The following RIGI variants were observed in gnomAD, a reference collection of about 807,000 sequenced individuals.
The protein encoded by RIGI is antiviral innate immune response receptor RIG-I.
chr9:32,492,300 C>G, the RIGI span: 10 of 1,419,816 alleles, frequency 7.0e-6, no homozygotes, highest in Non-Finnish European at 9.7e-6. Flanking sequence ...CTCTGGCTAT[C>G]TGAGGGGAAA....
At chr9:32,498,449 A>G in the RIGI span, 1 of 439,442 alleles carries the variant, frequency 2.3e-6, no homozygotes, top group Non-Finnish European at 4.7e-6. Context: ...CCGAGGCTAC[A>G]CTTCCCAGCC....
chr9:32,462,845 A>G, the RIGI span, among the ~76,000 whole-genome samples: 4 of 152,202 alleles, frequency 2.6e-5, no homozygotes, highest in Admixed American at 1.3e-4. Flanking sequence ...TAGACCTAGA[A>G]TGTTTTGATT....
At chr9:32,478,413 A>G in the RIGI span, among the ~76,000 whole-genome samples, 1 of 152,104 alleles carries the variant, frequency 6.6e-6, no homozygotes, top group African/African-American at 2.4e-5. Context: ...ATTGTTATCT[A>G]TATGGTAGAA....
At chr9:32,476,842 G>C in the RIGI span, 1 of 714,546 alleles carries the variant, frequency 1.4e-6, no homozygotes, top group South Asian at 2.3e-5. Flanking sequence ...GGCAGGTCTT[G>C]AACTCTTGGC....
chr9:32,461,844 T>C, the RIGI span, among the ~76,000 whole-genome samples: 4 of 152,224 alleles, frequency 2.6e-5, no homozygotes, highest in African/African-American at 9.6e-5. Flanking sequence ...TTATTTTATA[T>C]AAACTCTAGA....
At chr9:32,500,871 T>G in the RIGI span, 5 of 1,613,974 alleles carry the variant, frequency 3.1e-6, no homozygotes, top group Admixed American at 6.7e-5. Context: ...AACAGGAACT[T>G]GAGAAAAAGT....
chr9:32,472,550 T>G, the RIGI span, among the ~76,000 whole-genome samples: 3 of 152,236 alleles, frequency 2.0e-5, no homozygotes, highest in African/African-American at 7.2e-5. Context: ...CAGGTGGGCC[T>G]GGCCTAATCA....
At chr9:32,493,967 G>T in the RIGI span, 1 of 1,516,140 alleles carries the variant, frequency 6.6e-7, no homozygotes, top group Non-Finnish European at 8.9e-7. Flanking sequence ...AAAAAATGTG[G>T]ACTTTTATGA....
the RIGI span, among the ~76,000 whole-genome samples, chr9:32,517,159 G>C: frequency 2.0e-4 from 31 of 152,274 alleles, no homozygotes; most frequent in East Asian, 5.0e-3. Flanking sequence ...TTCTTCTGTA[G>C]TGCTGTTTGG....
chr9:32,487,336 T>C, the RIGI span: 1 of 847,592 alleles, frequency 1.2e-6, no homozygotes, highest in African/African-American at 1.7e-5. Context: ...AATGTGACTG[T>C]TACTCAAGTT....
chr9:32,459,280 AT>A, the RIGI span: 1 of 1,426,286 alleles, frequency 7.0e-7, no homozygotes, highest in East Asian at 2.3e-5. Flanking sequence ...AACAATGGAA[AT>A]AATAGTAGTT....
chr9:32,464,452 C>G, the RIGI span, among the ~76,000 whole-genome samples: 1 of 152,178 alleles, frequency 6.6e-6, no homozygotes, highest in South Asian at 2.1e-4. Context: ...TGCAGTGGCG[C>G]GATCTCGGCT....
At chr9:32,485,531 C>CTTT in the RIGI span, 5,997 of 321,492 alleles carry the variant, frequency 0.019, 5 homozygotes, top group South Asian at 0.029. Flanking sequence ...TAACTAGCTT[C>CTTT]TTTTTTTTTT....
At chr9:32,471,089 C>A in the RIGI span, among the ~76,000 whole-genome samples, 1 of 152,148 alleles carries the variant, frequency 6.6e-6, no homozygotes, top group African/African-American at 2.4e-5. Flanking sequence ...AAAATCCTGT[C>A]CCTACTAAAA....
chr9:32,457,234 A>T, the RIGI span: 9 of 1,613,986 alleles, frequency 5.6e-6, no homozygotes, highest in Admixed American at 1.3e-4. Context: ...AAAACTTTCA[A>T]TTTTTATAAC....
the RIGI span, among the ~76,000 whole-genome samples, chr9:32,458,264 G>A: frequency 2.6e-5 from 4 of 152,122 alleles, no homozygotes; most frequent in African/African-American, 9.7e-5. Context: ...GGCTGCAATA[G>A]AAGGCTAATC....
chr9:32,508,258 T>TTTTTTTTTTTTTTTTA, the RIGI span, among the ~76,000 whole-genome samples: 60 of 138,040 alleles, frequency 4.3e-4, 3 homozygotes, highest in African/African-American at 1.5e-3. Context: ...TTTTTTTTTT[T>TTTTTTTTTTTTTTTTA]ACTATATGAA....
chr9:32,506,313 C>G, the RIGI span, among the ~76,000 whole-genome samples: 1 of 152,184 alleles, frequency 6.6e-6, no homozygotes, highest in Admixed American at 6.5e-5. Flanking sequence ...CCAAACTGTA[C>G]TAACCCTCCA....
the RIGI span, among the ~76,000 whole-genome samples, chr9:32,521,333 T>C: frequency 6.6e-6 from 1 of 152,024 alleles, no homozygotes; most frequent in Non-Finnish European, 1.5e-5. Flanking sequence ...ACCTTTTGAG[T>C]GAACTGTGGG....
Sources: gnomAD v4.1 joint callset for allele counts (sites outside exome capture counted in the v4.1 genomes callset) on GRCh38, gnomAD v4.1.1 for gene constraint, MANE v1.5 for transcripts, NCBI Gene and HGNC (gene_info 2026-07-23, HGNC 2026-07-21) for gene names.